FEZ2: variants seen among roughly 807,000 people sequenced by gnomAD.
The protein encoded by FEZ2 is fasciculation and elongation protein zeta-2.
Under a neutral mutation model 40.4 loss-of-function variants are expected in FEZ2, and 51 were observed. That is an observed-to-expected ratio of 1.26 (90% CI 1.01 to 1.59). FEZ2 has a LOEUF of 1.59. Ranked by LOEUF, FEZ2 falls within the 40% of genes most tolerant of loss-of-function variation. The pLI is 0.00. For missense variants in FEZ2, 640 were observed against 438.3 expected (o/e 1.46, Z -4.11); for synonymous variants, 242 against 172.0 (o/e 1.41, Z -3.18).
chr2:36,556,176 C>T (rs539503795), intron 6 of FEZ2: 57 of 352,406 alleles, frequency 1.6e-4, no homozygotes, highest in African/African-American at 9.9e-4. Flanking sequence ...AAGAAATGGA[C>T]AGCTATACCC....
chr2:36,561,857 A>G (rs1225902074), intron 5 of FEZ2, among the ~76,000 whole-genome samples: 2 of 152,258 alleles, frequency 1.3e-5, no homozygotes, highest in African/African-American at 4.8e-5. Context: ...AAGGGGCAGA[A>G]GAAAGGAAAC....
chr2:36,583,337 AG>A lies in FEZ2; in HGVS notation c.492+15del, dbSNP rs750474177. 45 of 1,316,104 alleles carry A rather than the reference AG, an allele frequency of 3.4e-5. No individual in the cohort carries two copies. Among genetic ancestry groups the A allele is most frequent in the Non-Finnish European group, 4.9e-5 (45 of 916,038 alleles). The allele number at this position is 1,316,104 out of a possible 1,614,324, so 81.5% of individuals were successfully genotyped here. A position where few individuals can be genotyped will look rare whatever the true frequency, so the allele number is the denominator to read the frequency against. On this transcript the variant is annotated intron_variant, in intron 3 of 7. Transcript: ENST00000405912. The stretch of plus-strand genomic sequence containing the variant: ...AGAGTCTCCTTTCCTTGCGTTGCTG[AG>A]GATCTCCTCTATACCTGGTCTGCCG...
rs1267547846 is a variant in FEZ2 at position 36,578,859 on chromosome 2, T to G, written c.641A>C (p.Lys214Thr). Residue 214 changes from lysine to threonine, a missense_variant, in exon 5 of 8, where the codon AAA becomes ACA. By Grantham distance (78) the Lys-to-Thr change is moderately conservative. Coordinates refer to ENST00000405912, the MANE Select transcript of FEZ2 (RefSeq NM_005102.3). ...ATTTAACTCAGACACTGAGAGCCTT[T>G]TCACTCCTGTGACCAAAAGCAAAAT... Reference protein sequence around the residue: ...SSTGSYEERVKRLSVSELNEI... With the variant: ...SSTGSYEERVTRLSVSELNEI... 1 of 1,607,394 alleles carries G rather than the reference T, an allele frequency of 6.2e-7. No homozygotes were observed. The highest frequency in any genetic ancestry group is 8.5e-7 in the Non-Finnish European group (1 of 1,177,506).
intron 1 of FEZ2, chr2:36,594,704 C>A (rs1669163265): frequency 1.3e-5 from 2 of 152,326 alleles, no homozygotes; most frequent in Admixed American, 6.5e-5. Flanking sequence ...GACTATAGAC[C>A]TAATCCTGGC....
At position 36,598,064 on chromosome 2, in the gene FEZ2, T is replaced by C. The variant is rs1360522354; in HGVS notation, c.79A>G (p.Asn27Asp). 2 of 1,493,920 alleles carry C rather than the reference T, an allele frequency of 1.3e-6. No homozygotes were observed. The highest frequency in any genetic ancestry group is 8.9e-7 in the Non-Finnish European group (1 of 1,126,470). 92.5% of individuals were successfully genotyped at this position (1,493,920 alleles called of 1,614,324 possible). ...ARSLLDQENCNASPEPGAEAG... is the reference protein window; with the variant it reads ...ARSLLDQENCDASPEPGAEAG... The stretch of plus-strand genomic sequence containing the variant: ...TCCGCCCCAGGCTCGGGGCTCGCGT[T>C]ACAGTTCTCCTGGTCCAGGAGGCTC... The change falls in exon 1 of 8, where the codon AAC (asparagine) becomes GAC (aspartate). Residue 27 changes from asparagine (N) to aspartate (D), a missense_variant. By Grantham distance (23) the Asn-to-Asp change is conservative. Coordinates refer to ENST00000405912, the MANE Select transcript of FEZ2 (RefSeq NM_005102.3).
intron 4 of FEZ2, among the ~76,000 whole-genome samples, chr2:36,580,799 T>C (rs79723383): frequency 0.023 from 3,536 of 152,194 alleles, 132 homozygotes; most frequent in African/African-American, 0.082. Context: ...AAAGAGGTAA[T>C]TACATTAAAA....
intron 5 of FEZ2, among the ~76,000 whole-genome samples, chr2:36,566,465 A>C (rs1330594914): frequency 1.4e-4 from 21 of 152,220 alleles, no homozygotes; most frequent in Admixed American, 1.2e-3. Flanking sequence ...ATTCAACTCA[A>C]GTTCTCAAAA....
chr2:36,593,769 G>A (rs988962728), intron 1 of FEZ2, among the ~76,000 whole-genome samples: 8 of 151,956 alleles, frequency 5.3e-5, no homozygotes, highest in East Asian at 2.0e-4. Flanking sequence ...CCCCATGGTC[G>A]TGGGGATTAA....
intron 5 of FEZ2, among the ~76,000 whole-genome samples, chr2:36,565,402 G>A (rs1053719066): frequency 5.3e-5 from 8 of 152,108 alleles, no homozygotes; most frequent in Admixed American, 2.0e-4. Flanking sequence ...GTCGTACGAC[G>A]CCATCCATTT....
rs542094299 is a variant in FEZ2 at position 36,553,890 on chromosome 2, C to A, written c.1046-711G>T. On this transcript the variant is annotated intron_variant, in intron 7 of 7. Transcript: ENST00000405912. ...GGGCAAAGTGTCGTATTATTGGTCC[C>A]CAAGGAAGAGGAACAGTTAACCAGC... 9.2e-5 allele frequency among the ~76,000 whole-genome samples: 14 copies of A among 152,254 alleles called. No homozygotes were observed. In the South Asian group the frequency reaches 2.9e-3, roughly 32 times the overall value.
At chr2:36,584,630 A>T (rs1372952325) in intron 2 of FEZ2, among the ~76,000 whole-genome samples, 1 of 152,228 alleles carries the variant, frequency 6.6e-6, no homozygotes, top group African/African-American at 2.4e-5. Context: ...GGCAACAAGG[A>T]TTACGTAAGA....
At chr2:36,596,874 G>A (rs1259345160) in intron 1 of FEZ2, among the ~76,000 whole-genome samples, 2 of 151,954 alleles carry the variant, frequency 1.3e-5, no homozygotes, top group Non-Finnish European at 2.9e-5. Context: ...CCATCTTTTG[G>A]GGGTAAAACC....
Position 36,560,820 on chromosome 2 carries a change from G to A in FEZ2, c.904-2307C>T, listed in dbSNP as rs572275130. 3.9e-5 allele frequency: 63 copies of A among 1,611,404 alleles called. No homozygotes were observed. The highest frequency in any genetic ancestry group is 4.9e-5 in the Non-Finnish European group (58 of 1,178,522). Reference sequence around the variant, plus strand: ...CCACCTGAATTTCCAAAGGTGTGGCGGAGGCCATTCTGAATGACATTTGAG... The same window carrying A: ...CCACCTGAATTTCCAAAGGTGTGGCAGAGGCCATTCTGAATGACATTTGAG... On this transcript the variant is annotated intron_variant, in intron 5 of 7. Transcript: ENST00000405912.
chr2:36,593,979 G>T (rs1392578662), intron 1 of FEZ2, among the ~76,000 whole-genome samples: 1 of 151,586 alleles, frequency 6.6e-6, no homozygotes, highest in Non-Finnish European at 1.5e-5. Context: ...AATTTTTTCT[G>T]CCAGATACCC....
At chr2:36,584,450 T>G (rs1668842270) in intron 2 of FEZ2, among the ~76,000 whole-genome samples, 1 of 152,226 alleles carries the variant, frequency 6.6e-6, no homozygotes, top group Non-Finnish European at 1.5e-5. Context: ...CAGTACTGAT[T>G]GTAAAAACTT....
chr2:36,565,183 T>G (rs961890030), intron 5 of FEZ2, among the ~76,000 whole-genome samples: 1 of 152,226 alleles, frequency 6.6e-6, no homozygotes, highest in Non-Finnish European at 1.5e-5. Flanking sequence ...TTTCCATCCC[T>G]ACTTTCACTT....
Position 36,552,669 on chromosome 2 carries a change from T to C in FEZ2, c.*494A>G. 1 of 199,320 alleles carries C rather than the reference T, an allele frequency of 5.0e-6. No individual in the cohort carries two copies. Among genetic ancestry groups the C allele is most frequent in the South Asian group, 8.7e-5 (1 of 11,446 alleles). The allele number at this position is 199,320 out of a possible 1,614,324, so 12.3% of individuals were successfully genotyped here. ...GTAATGCATATTCTGGTTTTGCTTCTTCAAGAACAGCCCGTTTATTCTGTT... is the reference window on the plus strand; with the variant it reads ...GTAATGCATATTCTGGTTTTGCTTCCTCAAGAACAGCCCGTTTATTCTGTT... On this transcript the variant is annotated 3_prime_UTR_variant, in exon 8 of 8. Coordinates refer to ENST00000405912, the MANE Select transcript of FEZ2 (RefSeq NM_005102.3).
chr2:36,585,178 G>C (rs1668867151), intron 2 of FEZ2, among the ~76,000 whole-genome samples: 1 of 152,176 alleles, frequency 6.6e-6, no homozygotes, highest in Admixed American at 6.5e-5. Flanking sequence ...ATAGATGCTA[G>C]AAAATAATCG....
intron 7 of FEZ2, chr2:36,554,174 A>G: frequency 2.1e-6 from 1 of 471,098 alleles, no homozygotes; most frequent in South Asian, 1.5e-5. Context: ...GCTTACAGAC[A>G]GGAGCCAGCG....
Sources: allele counts gnomAD v4.1 joint callset (sites outside exome capture counted in the v4.1 genomes callset), GRCh38; gene constraint gnomAD v4.1.1; transcripts MANE v1.5; gene names NCBI Gene and HGNC (gene_info 2026-07-23, HGNC 2026-07-21).